The following TASP1 variants were observed in gnomAD, a reference collection of about 807,000 sequenced individuals.
TASP1 encodes the protein taspase 1, also known as threonine aspartase 1.
In TASP1, 16 loss-of-function variants were observed where a neutral mutation model predicts 56.6. The observed-to-expected ratio is 0.28, with a 90% confidence interval of 0.19 to 0.43. The LOEUF (loss-of-function observed/expected upper bound fraction) is 0.43, where lower values mean the gene tolerates loss of function less well. TASP1 is among the 20% of genes least tolerant of loss of function. The pLI, the probability that TASP1 is intolerant of heterozygous loss-of-function variation, is 1.00. For synonymous variants in TASP1, 179 were observed against 184.2 expected (o/e 0.97, Z 0.23); for missense variants, 393 against 511.6 (o/e 0.77, Z 2.24).
At chr20:13,310,897 C>CA in the TASP1 span, among the ~76,000 whole-genome samples, 2 of 152,078 alleles carry the variant, frequency 1.3e-5, no homozygotes, top group African/African-American at 2.4e-5. Context: ...AGATGTTTAT[C>CA]AAAAAATATA....
At chr20:13,500,954 G>T (rs2043923654) in intron 10 of TASP1, among the ~76,000 whole-genome samples, 1 of 151,778 alleles carries the variant, frequency 6.6e-6, no homozygotes, top group East Asian at 1.9e-4. Context: ...TAAAACTGCT[G>T]GAAAGCAAAT....
the TASP1 span, among the ~76,000 whole-genome samples, chr20:13,264,902 A>G: frequency 1.3e-5 from 2 of 152,178 alleles, no homozygotes; most frequent in African/African-American, 2.4e-5. Flanking sequence ...AGGAGGGATG[A>G]GATCCCAGCA....
the TASP1 span, among the ~76,000 whole-genome samples, chr20:13,268,414 T>A: frequency 7.7e-6 from 1 of 130,584 alleles, no homozygotes; most frequent in Non-Finnish European, 1.6e-5. Flanking sequence ...CCATGCTAGG[T>A]TCAAACAATA....
At chr20:13,268,155 C>CTTCTCTTCTCTTCTCTTCT in the TASP1 span, among the ~76,000 whole-genome samples, 105 of 69,090 alleles carry the variant, frequency 1.5e-3, no homozygotes, top group East Asian at 0.012. Flanking sequence ...TCTTCTCTTC[C>CTTCTCTTCTCTTCTCTTCT]CTTCCCTTCT....
chr20:13,181,644 C>T, the TASP1 span, among the ~76,000 whole-genome samples: 12 of 152,222 alleles, frequency 7.9e-5, no homozygotes, highest in South Asian at 2.3e-3. Flanking sequence ...AACGTGATGA[C>T]GATGAGACAT....
At chr20:13,577,831 T>C (rs573835241) in intron 6 of TASP1, among the ~76,000 whole-genome samples, 6 of 152,226 alleles carry the variant, frequency 3.9e-5, no homozygotes, top group Non-Finnish European at 8.8e-5. Context: ...CACTAAGCCA[T>C]GTTACTATAC....
chr20:13,201,957 G>T, the TASP1 span, among the ~76,000 whole-genome samples: 8 of 152,068 alleles, frequency 5.3e-5, no homozygotes, highest in Non-Finnish European at 1.2e-4. Flanking sequence ...GTTTCACCAT[G>T]CTGGCCAGGC....
the TASP1 span, among the ~76,000 whole-genome samples, chr20:13,169,539 A>C: frequency 0.022 from 3,417 of 152,316 alleles, 62 homozygotes; most frequent in South Asian, 0.034. Context: ...TCAAGTCAAA[A>C]TGACAAGGAT....
At chr20:13,562,874 CAA>C (rs766496099) in intron 7 of TASP1, among the ~76,000 whole-genome samples, 6 of 88,350 alleles carry the variant, frequency 6.8e-5, no homozygotes, top group Non-Finnish European at 9.6e-5. Flanking sequence ...GACCTTGTCT[CAA>C]AAAAAAAAAA....
chr20:13,238,217 A>G, the TASP1 span: 2 of 152,220 alleles, frequency 1.3e-5, no homozygotes. Flanking sequence ...AAGTCCAGCC[A>G]TGGGCCTGAG....
At chr20:13,567,372 C>T (rs1301290579) in intron 7 of TASP1, among the ~76,000 whole-genome samples, 1 of 152,068 alleles carries the variant, frequency 6.6e-6, no homozygotes, top group Non-Finnish European at 1.5e-5. Context: ...ACCCCTGTGA[C>T]ATGAGTTTAC....
chr20:13,433,937 A>G (rs924716191), intron 12 of TASP1, among the ~76,000 whole-genome samples: 1 of 152,110 alleles, frequency 6.6e-6, no homozygotes, highest in African/African-American at 2.4e-5. Context: ...ACAAACTCCT[A>G]CTGCATGTAA....
chr20:13,294,002 A>AG, the TASP1 span, among the ~76,000 whole-genome samples: 1 of 152,066 alleles, frequency 6.6e-6, no homozygotes, highest in South Asian at 2.1e-4. Context: ...AAAGAAAAAA[A>AG]AGAAAAGAAA....
the TASP1 span, chr20:13,165,242 A>G: frequency 5.6e-6 from 1 of 177,486 alleles, no homozygotes; most frequent in Admixed American, 5.5e-5. Flanking sequence ...TAAGTTCACT[A>G]TGTGTTTACT....
the TASP1 span, among the ~76,000 whole-genome samples, chr20:13,140,157 A>G: frequency 6.6e-6 from 1 of 152,238 alleles, no homozygotes; most frequent in African/African-American, 2.4e-5. Context: ...TATTTTGGAA[A>G]TAGTAGCATA....
chr20:13,493,942 G>A (rs2146587739), intron 10 of TASP1, among the ~76,000 whole-genome samples: 1 of 152,038 alleles, frequency 6.6e-6, no homozygotes, highest in East Asian at 1.9e-4. Context: ...CAGGGAAGGA[G>A]GAAAAAAAAT....
the TASP1 span, among the ~76,000 whole-genome samples, chr20:13,222,548 A>C: frequency 1.3e-5 from 2 of 151,818 alleles, no homozygotes; most frequent in Admixed American, 6.6e-5. Flanking sequence ...GAGTGAAGGC[A>C]CCGGTAGTGA....
the TASP1 span, among the ~76,000 whole-genome samples, chr20:13,279,113 C>T: frequency 4.1e-4 from 63 of 152,296 alleles, no homozygotes; most frequent in African/African-American, 1.4e-3. Flanking sequence ...CACAAAAACA[C>T]AGATGGGAGG....
chr20:13,508,124 CT>C, intron 10 of TASP1, among the ~76,000 whole-genome samples: 1 of 150,570 alleles, frequency 6.6e-6, no homozygotes, highest in East Asian at 1.9e-4. Flanking sequence ...AAGAGTAAAA[CT>C]AAAGGAGTAA....
Sources: gnomAD v4.1 joint callset for allele counts (sites outside exome capture counted in the v4.1 genomes callset) on GRCh38, gnomAD v4.1.1 for gene constraint, MANE v1.5 for transcripts, NCBI Gene and HGNC (gene_info 2026-07-23, HGNC 2026-07-21) for gene names.